IL34: variants seen among roughly 807,000 people sequenced by gnomAD.
IL34 encodes the protein interleukin 34, also known as interleukin-34.
IL34 carries 17 observed loss-of-function variants against 25.3 expected under a neutral mutation model. The observed-to-expected ratio is 0.67, with a 90% CI of 0.46 to 1.01. The LOEUF is 1.01. Ranked by LOEUF, IL34 falls within the 50% of genes least tolerant of loss-of-function variation. The pLI is 0.00. For synonymous variants in IL34, 174 were observed against 140.9 expected, an observed-to-expected ratio of 1.23 and a Z score of -1.66; for missense variants, 368 against 312.9, an observed-to-expected ratio of 1.18 and a Z score of -1.33.
At chr16:70,584,011 A>G (rs558737215) in intron 1 of IL34, among the ~76,000 whole-genome samples, 6 of 152,070 alleles carry the variant, frequency 3.9e-5, no homozygotes, top group Non-Finnish European at 8.8e-5. Context: ...TGTTTCTGGA[A>G]GCCACAGCTC....
At chr16:70,642,692 A>AACC (rs1164854411), upstream of IL34, among the ~76,000 whole-genome samples, 9 of 152,194 alleles carry the variant, frequency 5.9e-5, no homozygotes, top group East Asian at 1.7e-3. Flanking sequence ...CATCTCCAGG[A>AACC]ACCACCACAT....
At chr16:70,620,350 C>T (rs1480284433) in intron 1 of IL34, among the ~76,000 whole-genome samples, 1 of 152,138 alleles carries the variant, frequency 6.6e-6, no homozygotes, top group Non-Finnish European at 1.5e-5. Flanking sequence ...ATGCCTTTGG[C>T]TCCAGCCACC....
At position 70,654,524 on chromosome 16, in the gene IL34, G is replaced by A. The variant is rs368927969; in HGVS notation, c.29-14G>A. The stretch of plus-strand genomic sequence containing the variant: ...GGAGGGTGCTCATGTGCTCTTGTCG[G>A]GTGTGGTCCACAGATCTTGGGATCT... On this transcript the variant is annotated splice_polypyrimidine_tract_variant and intron_variant, in intron 1 of 5. Transcript: ENST00000288098. 3.7e-5 allele frequency: 59 copies of A among 1,601,292 alleles called. No individual in the cohort carries two copies. In the African/African-American group the frequency reaches 7.3e-4, roughly 20 times the overall value.
chr16:70,657,782 C>G (rs1377715435), intron 4 of IL34, among the ~76,000 whole-genome samples: 1 of 151,822 alleles, frequency 6.6e-6, no homozygotes, highest in East Asian at 1.9e-4. Flanking sequence ...CATCTCAAAA[C>G]AAAAAACAAA....
At chr16:70,604,404 G>T (rs2050965704) in intron 1 of IL34, among the ~76,000 whole-genome samples, 1 of 152,170 alleles carries the variant, frequency 6.6e-6, no homozygotes, top group African/African-American at 2.4e-5. Context: ...CCATTTTTCA[G>T]ATGAGTAAAG....
At chr16:70,617,761 AAG>A (rs1489531340) in intron 1 of IL34, among the ~76,000 whole-genome samples, 17 of 151,382 alleles carry the variant, frequency 1.1e-4, no homozygotes, top group African/African-American at 3.9e-4. Context: ...ACTGAATACT[AAG>A]AGCCTGAAAA....
chr16:70,644,924 GAGGAAGGAGGAAGAGGAGGA>G (rs2051881430), upstream of IL34, among the ~76,000 whole-genome samples: 2 of 64,898 alleles, frequency 3.1e-5, no homozygotes, highest in Non-Finnish European at 5.5e-5. Flanking sequence ...GGAGAAGGAG[GAGGAAGGAGGAAGAGGAGGA>G]AGGAGGAAGA....
Position 70,660,171 on chromosome 16 carries a change from A to C in IL34, c.713A>C (p.Glu238Ala), listed in dbSNP as rs746149647. The C allele has an allele frequency of 1.3e-6, 2 of 1,593,678 alleles. No homozygotes were observed. Among genetic ancestry groups the C allele is most frequent in the South Asian group, 2.3e-5 (2 of 87,758 alleles). Residue 238 changes from glutamate to alanine, a missense_variant, in exon 6 of 6, where the codon GAG becomes GCG. Physicochemically the swap from Glu to Ala is moderately radical, Grantham distance 107 (BLOSUM62 -1). Coordinates refer to ENST00000288098, the MANE Select transcript of IL34 (RefSeq NM_001393494.1). ...GTGAGGCCGGTCAGGGCACAGGGCGAGGGCCTCTTGCCCTGAGCACCCTGG... is the reference window on the plus strand; with the variant it reads ...GTGAGGCCGGTCAGGGCACAGGGCGCGGGCCTCTTGCCCTGAGCACCCTGG... ...GSVRPVRAQGEGLLP is the reference protein window; with the variant it reads ...GSVRPVRAQGAGLLP
chr16:70,654,243 G>C (rs1384999382), intron 1 of IL34: 1 of 270,372 alleles, frequency 3.7e-6, no homozygotes, highest in Non-Finnish European at 7.0e-6. Context: ...CTGCCCCACG[G>C]AGCGACAGAA....
At position 70,625,820 on chromosome 16, in the gene IL34, G is replaced by C. The variant is rs557988794; in HGVS notation, c.-400-20728G>C. On this transcript the variant is annotated intron_variant, in intron 1 of 6. Coordinates refer to the IL34 transcript ENST00000429149. ...AAGATTGAAAGGAGAAAGAGGTTGA[G>C]GGATAGTGAGGGAGATTGGAAAAGA... Among the ~76,000 whole-genome samples the C allele has an allele frequency of 4.6e-5, 7 of 152,310 alleles. No homozygotes were observed. In the East Asian group the frequency reaches 1.3e-3, roughly 29 times the overall value.
intron 1 of IL34, among the ~76,000 whole-genome samples, chr16:70,623,055 A>AGC (rs1483120070): frequency 6.6e-6 from 1 of 152,128 alleles, no homozygotes; most frequent in Non-Finnish European, 1.5e-5. Context: ...GGACACGAGC[A>AGC]GCAGGGGGAG....
chr16:70,634,307 C>T (rs1262771979), intron 1 of IL34, among the ~76,000 whole-genome samples: 2 of 152,126 alleles, frequency 1.3e-5, no homozygotes, highest in Non-Finnish European at 2.9e-5. Flanking sequence ...GGGCAGGCAG[C>T]ACTGTTCAAC....
chr16:70,627,179 G>A (rs2051412792), intron 1 of IL34, among the ~76,000 whole-genome samples: 1 of 152,004 alleles, frequency 6.6e-6, no homozygotes, highest in Non-Finnish European at 1.5e-5. Context: ...CTTATATGTT[G>A]AGCTCTTTCA....
chr16:70,619,285 A>C (rs904824552), intron 1 of IL34, among the ~76,000 whole-genome samples: 1 of 152,082 alleles, frequency 6.6e-6, no homozygotes, highest in Non-Finnish European at 1.5e-5. Flanking sequence ...GTCGCCAAGG[A>C]GGGAGTAGAG....
chr16:70,657,218 G>A, intron 4 of IL34, 97 bp downstream of exon 4: 1 of 1,301,184 alleles, frequency 7.7e-7, no homozygotes, highest in Non-Finnish European at 1.1e-6. Flanking sequence ...GGGAAAGGGT[G>A]AATACACGGA....
rs541602417 is a variant in IL34 at position 70,647,962 on chromosome 16, G to A, written c.28+987G>A. On this transcript the variant is annotated intron_variant, in intron 1 of 5. Coordinates refer to ENST00000288098, the MANE Select transcript of IL34 (RefSeq NM_001393494.1). ...TGGTGGTCACACAGGTAGACCTGGG[G>A]TCATGAGGCCCATGTTCCAGGAAGA... Among the ~76,000 whole-genome samples the A allele has an allele frequency of 3.3e-5, 5 of 152,332 alleles. No homozygotes were observed. In the South Asian group the frequency reaches 1.0e-3, roughly 32 times the overall value.
chr16:70,633,265 T>C (rs2051560396), intron 1 of IL34, among the ~76,000 whole-genome samples: 1 of 151,644 alleles, frequency 6.6e-6, no homozygotes. Context: ...ATTTTTTTTT[T>C]TCTTTTAAGA....
intron 4 of IL34, among the ~76,000 whole-genome samples, chr16:70,658,015 C>G (rs918280728): frequency 6.6e-6 from 1 of 152,084 alleles, no homozygotes; most frequent in African/African-American, 2.4e-5. Flanking sequence ...AGGAAGGTGG[C>G]GAGATGACCC....
chr16:70,600,498 C>A (rs2050899119), intron 1 of IL34, among the ~76,000 whole-genome samples: 1 of 152,190 alleles, frequency 6.6e-6, no homozygotes, highest in African/African-American at 2.4e-5. Flanking sequence ...ATTCTGTAAG[C>A]CCCAAGCAAG....
Sources: allele counts gnomAD v4.1 joint callset (sites outside exome capture counted in the v4.1 genomes callset), GRCh38; gene constraint gnomAD v4.1.1; transcripts MANE v1.5; gene names NCBI Gene and HGNC (gene_info 2026-07-23, HGNC 2026-07-21).